Variants in MEGF11 observed in about 807,000 individuals in gnomAD.
The protein encoded by MEGF11 is multiple epidermal growth factor-like domains protein 11.
In MEGF11, 126 loss-of-function variants were observed where a neutral mutation model predicts 146.6. The observed-to-expected ratio is 0.86, with a 90% CI of 0.74 to 1.00. MEGF11 has a LOEUF of 1.00. Among genes scored for constraint, MEGF11 ranks in the 50% least tolerant of loss-of-function variants. The probability of loss-of-function intolerance (pLI) is 0.00; values close to 1 mark genes in which losing one functional copy is unlikely to be tolerated. For synonymous variants in MEGF11, 532 were observed against 583.4 expected (o/e 0.91, Z 1.27); for missense variants, 1,509 against 1,521.2 (o/e 0.99, Z 0.13).
intron 5 of MEGF11, among the ~76,000 whole-genome samples, chr15:66,044,610 G>C (rs1050994680): frequency 2.6e-5 from 4 of 151,984 alleles, no homozygotes; most frequent in African/African-American, 9.7e-5. Context: ...TATTTTGGGA[G>C]ACTGAGAATT....
At chr15:66,170,602 A>G (rs897568792) in intron 1 of MEGF11, among the ~76,000 whole-genome samples, 1 of 152,200 alleles carries the variant, frequency 6.6e-6, no homozygotes. Context: ...GTTGAGTAAG[A>G]TAATTTTTTG....
chr15:65,936,028 G>T (rs1567165591), intron 10 of MEGF11, among the ~76,000 whole-genome samples: 1 of 152,116 alleles, frequency 6.6e-6, no homozygotes, highest in Non-Finnish European at 1.5e-5. Flanking sequence ...TTGATTTGGG[G>T]GACCACTAAC....
At chr15:66,191,604 G>A (rs1478958152) in intron 1 of MEGF11, among the ~76,000 whole-genome samples, 1 of 152,186 alleles carries the variant, frequency 6.6e-6, no homozygotes, top group African/African-American at 2.4e-5. Flanking sequence ...AGATGTGGTG[G>A]GGCACAGGAG....
intron 1 of MEGF11, among the ~76,000 whole-genome samples, chr15:66,243,416 G>A (rs531231052): frequency 5.1e-4 from 77 of 152,328 alleles, no homozygotes; most frequent in African/African-American, 1.8e-3. Context: ...GTCATCCCTG[G>A]ACCTCCAACC....
In MEGF11 at chr15:65,977,604, G is replaced by A. The variant is rs573235078; in HGVS notation, c.762+3174C>T. Among the ~76,000 whole-genome samples the A allele has an allele frequency of 5.9e-4, 89 of 150,462 alleles. 2 individuals are homozygous for A. Among genetic ancestry groups the A allele is most frequent in the Admixed American group, 1.5e-3 (23 of 15,014 alleles). ...AAGCAATTCTCCTGCCTCAGCCTCC[G>A]AATAGCTGGGATTACAGGTGCCCAC... On this transcript the variant is annotated intron_variant, in intron 7 of 25. Coordinates refer to ENST00000395614, the MANE Select transcript of MEGF11 (RefSeq NM_001385028.1).
chr15:66,107,057 C>CT (rs1178845207), intron 4 of MEGF11, among the ~76,000 whole-genome samples: 10 of 140,474 alleles, frequency 7.1e-5, no homozygotes, highest in African/African-American at 1.9e-4. Context: ...TATTCCTACC[C>CT]CCCCACCAGG....
At chr15:66,087,860 A>C (rs1651193835) in intron 5 of MEGF11, among the ~76,000 whole-genome samples, 1 of 152,198 alleles carries the variant, frequency 6.6e-6, no homozygotes. Context: ...AACAACAACA[A>C]TACCAACAAT....
intron 5 of MEGF11, among the ~76,000 whole-genome samples, chr15:66,021,444 G>A (rs180886101): frequency 4.6e-5 from 7 of 152,288 alleles, no homozygotes; most frequent in Non-Finnish European, 8.8e-5. Context: ...ATCTCTTTGG[G>A]AATAGAAGCC....
chr15:65,994,605 A>G (rs1266625183), intron 5 of MEGF11, among the ~76,000 whole-genome samples: 2 of 152,182 alleles, frequency 1.3e-5, no homozygotes, highest in Non-Finnish European at 2.9e-5. Context: ...GAAGCAAGTT[A>G]GGGTGATTTG....
intron 19 of MEGF11, 165 bp from the exon 20 acceptor site, chr15:65,914,138 CTT>C: frequency 1.7e-6 from 1 of 605,644 alleles, no homozygotes; most frequent in Non-Finnish European, 2.9e-6. Context: ...CTCACTGTGC[CTT>C]CATCCCTAAA....
chr15:66,012,806 TTCCCCTA>T (rs1419004186), intron 5 of MEGF11, among the ~76,000 whole-genome samples: 3 of 152,224 alleles, frequency 2.0e-5, no homozygotes, highest in African/African-American at 7.2e-5. Context: ...GCAGCAGCGC[TTCCCCTA>T]GGAGCCCTGG....
intron 1 of MEGF11, among the ~76,000 whole-genome samples, chr15:66,150,406 G>A (rs770627095): frequency 1.2e-4 from 19 of 152,202 alleles, no homozygotes; most frequent in Middle Eastern, 3.4e-3. Flanking sequence ...ATTAATTACC[G>A]GAGAAAGGGA....
chr15:65,938,941 A>G (rs969483262), intron 10 of MEGF11, among the ~76,000 whole-genome samples: 1 of 152,242 alleles, frequency 6.6e-6, no homozygotes, highest in Non-Finnish European at 1.5e-5. Flanking sequence ...GGGAAAATTA[A>G]TCAACAGCTG....
chr15:66,168,495 G>A (rs983464575), intron 1 of MEGF11, among the ~76,000 whole-genome samples: 1 of 152,196 alleles, frequency 6.6e-6, no homozygotes, highest in Non-Finnish European at 1.5e-5. Context: ...AGCACTTGAT[G>A]TAAGTTACTG....
intron 5 of MEGF11, among the ~76,000 whole-genome samples, chr15:65,998,980 T>G (rs1259062538): frequency 4.0e-5 from 6 of 151,878 alleles, no homozygotes; most frequent in Non-Finnish European, 7.4e-5. Flanking sequence ...CAGCACCCCC[T>G]CATTCTGTCT....
intron 5 of MEGF11, among the ~76,000 whole-genome samples, chr15:66,073,209 T>C (rs371141900): frequency 6.6e-6 from 1 of 152,152 alleles, no homozygotes; most frequent in Non-Finnish European, 1.5e-5. Flanking sequence ...GCGAGGCCTC[T>C]GGTGTGAGGA....
rs1180620736 is a variant in MEGF11, at chr15:65,965,138, G to A, written c.900-18C>T. 1.9e-6 allele frequency: 3 copies of A among 1,560,118 alleles called. No homozygotes were observed. The highest frequency in any genetic ancestry group is 1.3e-5 in the African/African-American group (1 of 74,086). On this transcript the variant is annotated intron_variant, in intron 8 of 25. Coordinates refer to ENST00000395614, the MANE Select transcript of MEGF11 (RefSeq NM_001385028.1). ...CTTGGCACCTGTGGGAGAGCAGAGTGGGGCTGAGGCTGTGGGCCAGGATCC... is the reference window on the plus strand; with the variant it reads ...CTTGGCACCTGTGGGAGAGCAGAGTAGGGCTGAGGCTGTGGGCCAGGATCC...
chr15:66,076,448 TATTA>T (rs1484181334), intron 5 of MEGF11, among the ~76,000 whole-genome samples: 1 of 152,250 alleles, frequency 6.6e-6, no homozygotes, highest in Non-Finnish European at 1.5e-5. Context: ...TTTATAACTT[TATTA>T]ATTATTCAAT....
intron 10 of MEGF11, among the ~76,000 whole-genome samples, chr15:65,948,946 A>G (rs1400949671): frequency 1.3e-5 from 2 of 152,202 alleles, no homozygotes; most frequent in Non-Finnish European, 2.9e-5. Context: ...CCGGTGCTGC[A>G]TTCAGGAAAA....
Sources: gnomAD v4.1 joint callset for allele counts (sites outside exome capture counted in the v4.1 genomes callset) on GRCh38, gnomAD v4.1.1 for gene constraint, MANE v1.5 for transcripts, NCBI Gene and HGNC (gene_info 2026-07-23, HGNC 2026-07-21) for gene names.